Variants in ZC3H14 observed in about 807,000 individuals in gnomAD.
ZC3H14 encodes zinc finger CCCH domain-containing protein 14.
ZC3H14 carries 31 observed loss-of-function variants against 92.4 expected under a neutral mutation model. That is an observed-to-expected ratio of 0.34 (90% CI 0.25 to 0.45). The LOEUF (loss-of-function observed/expected upper bound fraction) is 0.45, where lower values mean the gene tolerates loss of function less well. Ranked by LOEUF, ZC3H14 falls within the 20% of genes least tolerant of loss-of-function variation. The pLI is 1.00. For synonymous variants in ZC3H14, 321 were observed against 300.9 expected (o/e 1.07, Z -0.69); for missense variants, 781 against 897.3 (o/e 0.87, Z 1.66).
At chr14:88,568,331 G>A (rs957612719) in intron 3 of ZC3H14, among the ~76,000 whole-genome samples, 178 bp downstream of exon 3, 3 of 152,186 alleles carry the variant, frequency 2.0e-5, no homozygotes, top group Admixed American at 6.5e-5. Context: ...AGAAATACCC[G>A]AGACTGGGTA....
intron 12 of ZC3H14, among the ~76,000 whole-genome samples, 197 bp downstream of exon 12, chr14:88,603,257 T>TA (rs1182045642): frequency 2.0e-5 from 3 of 152,254 alleles, no homozygotes; most frequent in South Asian, 4.1e-4. Flanking sequence ...GGTGGGCTGT[T>TA]ACTCCAGTTT....
chr14:88,616,302 T>TA lies in ZC3H14; in HGVS notation c.*4552dup, dbSNP rs1295690964. On this transcript the variant is annotated 3_prime_UTR_variant, in exon 17 of 17. Transcript: ENST00000251038. ...GGTGCACACAGAAGTCAAAGGCTCT[T>TA]ATTAGGAACTATAATCTCTATGACA... 1 of 1,460,572 alleles carries TA rather than the reference T, an allele frequency of 6.8e-7. No homozygotes were observed. Among genetic ancestry groups the TA allele is most frequent in the East Asian group, 2.3e-5 (1 of 44,008 alleles). The allele number at this position is 1,460,572 out of a possible 1,614,324, so 90.5% of individuals were successfully genotyped here.
chr14:88,565,620 G>C (rs2079468160), intron 2 of ZC3H14, among the ~76,000 whole-genome samples: 1 of 152,172 alleles, frequency 6.6e-6, no homozygotes, highest in South Asian at 2.1e-4. Flanking sequence ...GTGGATTTTT[G>C]TGCAACAGTT....
At chr14:88,608,816 CG>C in intron 13 of ZC3H14, 1 of 161,108 alleles carries the variant, frequency 6.2e-6, no homozygotes, top group Non-Finnish European at 1.3e-5. Context: ...TTTTTTTTGC[CG>C]GGGGTAGGTC....
intron 9 of ZC3H14, among the ~76,000 whole-genome samples, chr14:88,584,544 C>T (rs2082263354): frequency 6.6e-6 from 1 of 152,186 alleles, no homozygotes; most frequent in South Asian, 2.1e-4. Flanking sequence ...GTAATAGCTA[C>T]ATAAGATTTA....
rs2081401990 is a variant in ZC3H14, at chr14:88,578,129, A to G, written c.1268A>G (p.Glu423Gly). The G allele has an allele frequency of 5.0e-6, 8 of 1,613,950 alleles. No individual in the cohort carries two copies. The highest frequency in any genetic ancestry group is 6.8e-6 in the Non-Finnish European group (8 of 1,179,968). The change falls in exon 9 of 17, where the codon GAA (glutamate) becomes GGA (glycine). Residue 423 changes from glutamate to glycine, a missense_variant. Physicochemically the swap from Glu to Gly is moderately conservative, Grantham distance 98. Coordinates refer to ENST00000251038, the MANE Select transcript of ZC3H14 (RefSeq NM_024824.5). Reference sequence around the variant, plus strand: ...GAGGAAACAAAAGGAGATTCTGTAGAAAAAAATCAAGGTAATAACTTAAAT... The same window carrying G: ...GAGGAAACAAAAGGAGATTCTGTAGGAAAAAATCAAGGTAATAACTTAAAT... ...KEEETKGDSV[E>G]KNQGTQQRQL...
rs1480119404 is a variant in ZC3H14, at chr14:88,612,107, G to C, written c.*356G>C. 3.9e-6 allele frequency: 1 copy of C among 256,986 alleles called. No homozygotes were observed. Among genetic ancestry groups the C allele is most frequent in the African/African-American group, 2.2e-5 (1 of 44,942 alleles). 15.9% of individuals were successfully genotyped at this position (256,986 alleles called of 1,614,324 possible). A position where few individuals can be genotyped will look rare whatever the true frequency, so the allele number is the denominator to read the frequency against. The stretch of plus-strand genomic sequence containing the variant: ...CAGCTTAGGGGGCTACACGGTTGCT[G>C]TGTGAGTGGAGAGATGCAGTGAGGC... On this transcript the variant is annotated 3_prime_UTR_variant, in exon 17 of 17. Transcript: ENST00000251038.
chr14:88,563,593 C>T, intron 1 of ZC3H14, 58 bp from the exon 2 acceptor site: 1 of 1,602,430 alleles, frequency 6.2e-7, no homozygotes, highest in Non-Finnish European at 8.6e-7. Flanking sequence ...CTGCAGAGTC[C>T]GGTCTTGTTT....
chr14:88,607,447 G>A (rs188314070), intron 13 of ZC3H14, 84 bp downstream of exon 13: 4 of 1,367,636 alleles, frequency 2.9e-6, no homozygotes, highest in African/African-American at 2.1e-5. Flanking sequence ...CATCTCACCT[G>A]GCAAGTACCA....
At position 88,621,338 on chromosome 14, in the gene ZC3H14, A is replaced by G. The variant is rs1476283507; in HGVS notation, c.*9587A>G. The G allele has an allele frequency of 1.2e-6, 2 of 1,608,918 alleles. No individual in the cohort carries two copies. Among genetic ancestry groups the G allele is most frequent in the Admixed American group, 3.3e-5 (2 of 59,964 alleles). ...GCAGGACCAATACAGTGAATGTAAT[A>G]CAACAGCTGCTTTTCTTCTTCATAA... On this transcript the variant is annotated 3_prime_UTR_variant, in exon 17 of 17. Transcript: ENST00000251038.
rs1201797197 is a variant in ZC3H14, at chr14:88,626,689, T to C, written c.*14938T>C. The stretch of plus-strand genomic sequence containing the variant: ...CTCCCTAATTTCTGAAAGAACTAGA[T>C]TTTTGAAAGATGAAATATATGCTTG... On this transcript the variant is annotated 3_prime_UTR_variant, in exon 17 of 17. Transcript: ENST00000251038. 1.1e-5 allele frequency: 9 copies of C among 810,432 alleles called. No individual in the cohort carries two copies. The highest frequency in any genetic ancestry group is 1.1e-5 in the Non-Finnish European group (6 of 530,274). The allele number at this position is 810,432 out of a possible 1,614,324, so 50.2% of individuals were successfully genotyped here.
chr14:88,620,608 A>C lies in ZC3H14; in HGVS notation c.*8857A>C, dbSNP rs1317315889. ...GCAAGAAGAATTAAGTAGTATACAA[A>C]CAGCCATATTTTAGCATACAATTTA... On this transcript the variant is annotated 3_prime_UTR_variant, in exon 17 of 17. Transcript: ENST00000251038. The surrounding 1 kb of genome is among the most constrained non-coding windows in gnomAD (Gnocchi z 4.3). 1.6e-6 allele frequency: 1 copy of C among 642,818 alleles called. No homozygotes were observed. The highest frequency in any genetic ancestry group is 2.4e-6 in the Non-Finnish European group (1 of 415,720). 39.8% of individuals were successfully genotyped at this position (642,818 alleles called of 1,614,324 possible).
rs1201447058 is a variant in ZC3H14, at chr14:88,602,026, C to A, written c.1457C>A (p.Ser486Ter). The A allele has an allele frequency of 6.2e-7, 1 of 1,614,068 alleles. No individual in the cohort carries two copies. The highest frequency in any genetic ancestry group is 1.1e-5 in the South Asian group (1 of 91,054). Residue 486 changes from serine (S) to a stop codon, truncating the protein, a stop_gained, in exon 11 of 17, where the codon TCG becomes TAG. Coordinates refer to ENST00000251038, the MANE Select transcript of ZC3H14 (RefSeq NM_024824.5). LOFTEE classifies it high-confidence loss of function. ...EEVVVAPNQE[S>*]GMKTADSLRV... ...GTAGTAGTGGCACCAAACCAAGAGT[C>A]GGGGATGAAGACTGCAGATTCCCTT...
In ZC3H14 at chr14:88,620,808, G is replaced by C; in HGVS notation, c.*9057G>C. On this transcript the variant is annotated 3_prime_UTR_variant, in exon 17 of 17. Coordinates refer to ENST00000251038, the MANE Select transcript of ZC3H14 (RefSeq NM_024824.5). The surrounding 1 kb of genome is among the most constrained non-coding windows in gnomAD (Gnocchi z 4.3). ...TCTCTTCTTTCCCCATATTTTTAGA[G>C]AACTCACTAGTAAAATGATAAATTC... 2 of 1,607,492 alleles carry C rather than the reference G, an allele frequency of 1.2e-6. No individual in the cohort carries two copies. Among genetic ancestry groups the C allele is most frequent in the Non-Finnish European group, 1.7e-6 (2 of 1,177,618 alleles).
Position 88,602,032 on chromosome 14 carries a change from T to A in ZC3H14, c.1463T>A (p.Met488Lys). Reference protein sequence around the residue: ...VVVAPNQESGMKTADSLRVLS... With the variant: ...VVVAPNQESGKKTADSLRVLS... ...GTGGCACCAAACCAAGAGTCGGGGA[T>A]GAAGACTGCAGATTCCCTTCGGGTA... Residue 488 changes from methionine to lysine, a missense_variant, in exon 11 of 17, where the codon ATG becomes AAG. By Grantham distance (95) the Met-to-Lys change is moderately conservative (BLOSUM62 -1). This residue lies in a region of ZC3H14 where 454 missense variants were observed against 438.5 expected (regional missense o/e 1.04). Coordinates refer to ENST00000251038, the MANE Select transcript of ZC3H14 (RefSeq NM_024824.5). 6.2e-7 allele frequency: 1 copy of A among 1,614,206 alleles called. No homozygotes were observed. The highest frequency in any genetic ancestry group is 8.5e-7 in the Non-Finnish European group (1 of 1,180,026).
intron 9 of ZC3H14, chr14:88,595,227 T>C: frequency 6.6e-7 from 1 of 1,522,352 alleles, no homozygotes; most frequent in Non-Finnish European, 8.7e-7. Flanking sequence ...CTTGAATTTT[T>C]CATGGACCTT....
In ZC3H14 at chr14:88,578,077, C is replaced by G. The variant is rs2081393954; in HGVS notation, c.1216C>G (p.Pro406Ala). Reference sequence around the variant, plus strand: ...AGTGGTCCAGGGACAAAGTAGGACCCCCAGAATAAGTCCCCCCATTAAAGA... The same window carrying G: ...AGTGGTCCAGGGACAAAGTAGGACCGCCAGAATAAGTCCCCCCATTAAAGA... ...AEVVQGQSRTPRISPPIKEEE... is the reference protein window; with the variant it reads ...AEVVQGQSRTARISPPIKEEE... Residue 406 changes from proline to alanine, a missense_variant, in exon 9 of 17, where the codon CCC becomes GCC. By Grantham distance (27) the Pro-to-Ala change is conservative (BLOSUM62 -1). Around this residue, in one of 3 missense-constraint regions of ZC3H14, gnomAD observed 454 missense variants for 438.5 expected, o/e 1.04. Transcript: ENST00000251038. The G allele has an allele frequency of 6.2e-7, 1 of 1,613,976 alleles. No homozygotes were observed. Among genetic ancestry groups the G allele is most frequent in the African/African-American group, 1.3e-5 (1 of 74,972 alleles).
rs1278435356 is a variant in ZC3H14, at chr14:88,626,971, T to C, written c.*15220T>C. 2 of 1,613,774 alleles carry C rather than the reference T, an allele frequency of 1.2e-6. No individual in the cohort carries two copies. The highest frequency in any genetic ancestry group is 1.7e-6 in the Non-Finnish European group (2 of 1,179,816). On this transcript the variant is annotated 3_prime_UTR_variant, in exon 17 of 17. Coordinates refer to ENST00000251038, the MANE Select transcript of ZC3H14 (RefSeq NM_024824.5). Reference sequence around the variant, plus strand: ...ATGTTTTACTCCCACTGAGACAAACTGGGTATCTGAATCTGGTCGGAATTC... The same window carrying C: ...ATGTTTTACTCCCACTGAGACAAACCGGGTATCTGAATCTGGTCGGAATTC...
chr14:88,578,046 A>G lies in ZC3H14; in HGVS notation c.1185A>G (p.Leu395=), dbSNP rs910683452. ...PRTRTSQEEL[L]AEVVQGQSRT... ...CTCGAACTTCTCAAGAAGAATTGCTAGCAGAAGTGGTCCAGGGACAAAGTA... is the reference window on the plus strand; with the variant it reads ...CTCGAACTTCTCAAGAAGAATTGCTGGCAGAAGTGGTCCAGGGACAAAGTA... The change falls in exon 9 of 17, where the codon CTA becomes CTG. Residue 395 remains leucine, a synonymous_variant. Coordinates refer to ENST00000251038, the MANE Select transcript of ZC3H14 (RefSeq NM_024824.5). 3.7e-6 allele frequency: 6 copies of G among 1,614,074 alleles called. No individual in the cohort carries two copies. The African/African-American group carries it at 8.0e-5, about 22-fold the overall frequency.
Sources: allele counts gnomAD v4.1 joint callset (sites outside exome capture counted in the v4.1 genomes callset), GRCh38; gene constraint gnomAD v4.1.1; regional missense constraint gnomAD v4.1.1; non-coding constraint Gnocchi (gnomAD v3.1); transcripts MANE v1.5; gene names NCBI Gene and HGNC (gene_info 2026-07-23, HGNC 2026-07-21).